The following PLCG2 variants were observed in gnomAD, a reference collection of about 807,000 sequenced individuals.
PLCG2 encodes the protein phospholipase C gamma 2.
In PLCG2, 69 loss-of-function variants were observed where a neutral mutation model predicts 175.6. The observed-to-expected ratio is 0.39, with a 90% CI of 0.32 to 0.48. PLCG2 has a LOEUF of 0.48. Ranked by LOEUF, PLCG2 falls within the 20% of genes least tolerant of loss-of-function variation. The pLI is 0.91. For synonymous variants in PLCG2, 827 were observed against 624.0 expected, an observed-to-expected ratio of 1.33 and a Z score of -4.85; for missense variants, 1,798 against 1,650.9, an observed-to-expected ratio of 1.09 and a Z score of -1.54.
intron 2 of PLCG2, among the ~76,000 whole-genome samples, chr16:81,842,417 G>T (rs914800090): frequency 6.6e-6 from 1 of 152,206 alleles, no homozygotes; most frequent in Admixed American, 6.5e-5. Context: ...GGGCAGGACT[G>T]TGTCTGTCTC....
At chr16:81,861,280 A>G (rs1277686674) in intron 5 of PLCG2, among the ~76,000 whole-genome samples, 2 of 152,196 alleles carry the variant, frequency 1.3e-5, no homozygotes, top group Non-Finnish European at 2.9e-5. Flanking sequence ...TTAATATCCA[A>G]TAACTAAACT....
chr16:81,775,239 C>T (rs970047937), upstream of PLCG2, among the ~76,000 whole-genome samples: 2 of 152,116 alleles, frequency 1.3e-5, no homozygotes, highest in African/African-American at 4.8e-5. Context: ...CCGATAGGCC[C>T]GCTCTCTGCT....
At chr16:81,751,989 T>G (rs1415900529) in intron 1 of PLCG2, among the ~76,000 whole-genome samples, 6 of 151,870 alleles carry the variant, frequency 4.0e-5, no homozygotes, top group Non-Finnish European at 8.8e-5. Flanking sequence ...GCCACTGCAC[T>G]CCAGCCTGGC....
chr16:81,892,739 G>T (rs977796803), intron 11 of PLCG2, among the ~76,000 whole-genome samples: 1 of 152,098 alleles, frequency 6.6e-6, no homozygotes, highest in Non-Finnish European at 1.5e-5. Flanking sequence ...TTGCTGTGCA[G>T]ATTATTTTGT....
chr16:81,846,157 C>T (rs894948459), intron 2 of PLCG2, among the ~76,000 whole-genome samples: 1 of 152,192 alleles, frequency 6.6e-6, no homozygotes, highest in Non-Finnish European at 1.5e-5. Context: ...GCACTGCTCT[C>T]ACTAGAAGAA....
At chr16:81,930,899 G>A (rs1217587401) in intron 24 of PLCG2, among the ~76,000 whole-genome samples, 1 of 152,036 alleles carries the variant, frequency 6.6e-6, no homozygotes. Flanking sequence ...ATGCCAAGTT[G>A]CTTAGCTATA....
At position 81,934,463 on chromosome 16, in the gene PLCG2, C is replaced by G; in HGVS notation, c.2774C>G (p.Ser925Cys). 6.2e-7 allele frequency: 1 copy of G among 1,613,182 alleles called. No homozygotes were observed. The highest frequency in any genetic ancestry group is 1.7e-4 in the Middle Eastern group (1 of 6,060). Residue 925 changes from serine to cysteine, a missense_variant, in exon 26 of 33, where the codon TCC becomes TGC. Transcript: ENST00000564138. ...ATGAAGTACTGGGAGAAGAACCAGT[C>G]CATCGCCATCGAGCTCTCTGACCTG... ...NNMKYWEKNQ[S>C]IAIELSDLVV...
At chr16:81,952,839 A>G (rs887867915) in intron 31 of PLCG2, among the ~76,000 whole-genome samples, 2 of 152,194 alleles carry the variant, frequency 1.3e-5, no homozygotes, top group Admixed American at 1.3e-4. Flanking sequence ...TGGAGGAGAA[A>G]TATATTTCCA....
intron 2 of PLCG2, among the ~76,000 whole-genome samples, chr16:81,846,472 A>T (rs1906123946): frequency 6.6e-6 from 1 of 152,216 alleles, no homozygotes; most frequent in African/African-American, 2.4e-5. Flanking sequence ...AACATGCAAA[A>T]CATTAGCACT....
intron 2 of PLCG2, among the ~76,000 whole-genome samples, chr16:81,813,465 C>T (rs189148713): frequency 6.6e-6 from 1 of 152,184 alleles, no homozygotes; most frequent in African/African-American, 2.4e-5. Flanking sequence ...TGATTTAGCT[C>T]TGTGTTTGTC....
In PLCG2 at chr16:81,883,371, G is replaced by C. The variant is rs1335591173; in HGVS notation, c.765+30G>C. The C allele has an allele frequency of 2.6e-6, 4 of 1,566,142 alleles. No homozygotes were observed. In the South Asian group the frequency reaches 4.4e-5, roughly 17 times the overall value. ...GAGCACAAGGTGTGTGGGTGCCTGA[G>C]GGAGCTGGCGGGATGCTGCTGGGGA... is the stretch of plus-strand genomic sequence containing the variant. On this transcript the variant is annotated intron_variant, in intron 9 of 32. Coordinates refer to ENST00000564138, the MANE Select transcript of PLCG2 (RefSeq NM_002661.5).
chr16:81,938,365 G>A (rs4888191), intron 28 of PLCG2: 38,467 of 191,128 alleles, frequency 0.2, 5,011 homozygotes, highest in African/African-American at 0.39. Context: ...TTCTCCTAAG[G>A]TTAAGGGCGG....
chr16:81,784,898 G>C (rs1028966000), intron 1 of PLCG2, among the ~76,000 whole-genome samples: 1 of 152,080 alleles, frequency 6.6e-6, no homozygotes, highest in Non-Finnish European at 1.5e-5. Context: ...ATGTGTTTCT[G>C]GGGATTTGGG....
chr16:81,932,833 C>G (rs1910559248), intron 25 of PLCG2, among the ~76,000 whole-genome samples: 1 of 152,232 alleles, frequency 6.6e-6, no homozygotes, highest in African/African-American at 2.4e-5. Context: ...TTTCACACCA[C>G]CAGCCATGGG....
rs1000265805 is a variant in PLCG2 at position 81,962,584 on chromosome 16, T to C, written c.*4586T>C. 8 of 221,890 alleles carry C rather than the reference T, an allele frequency of 3.6e-5. 1 individual carries two copies. Among genetic ancestry groups the C allele is most frequent in the East Asian group, 2.6e-4 (4 of 15,118 alleles). The allele number at this position is 221,890 out of a possible 1,614,324, so 13.7% of individuals were successfully genotyped here. A position where few individuals can be genotyped will look rare whatever the true frequency, so the allele number is the denominator to read the frequency against. Reference sequence around the variant, plus strand: ...ATAAATAGTATGTGCTTTGTGTACATAGAGAATTAAGTGAATGAGTCACAC... The same window carrying C: ...ATAAATAGTATGTGCTTTGTGTACACAGAGAATTAAGTGAATGAGTCACAC... On this transcript the variant is annotated 3_prime_UTR_variant, in exon 33 of 33. Transcript: ENST00000564138.
chr16:81,763,959 T>C (rs1253831729), intron 2 of PLCG2, among the ~76,000 whole-genome samples: 3 of 151,546 alleles, frequency 2.0e-5, no homozygotes, highest in Non-Finnish European at 4.4e-5. Flanking sequence ...AGAGAGACTC[T>C]GTCTCAAAAA....
chr16:81,862,199 A>C (rs541815786), intron 5 of PLCG2, among the ~76,000 whole-genome samples: 1 of 152,354 alleles, frequency 6.6e-6, no homozygotes, highest in East Asian at 1.9e-4. Flanking sequence ...ACAGAGGCAG[A>C]GGAAAGACTG....
intron 32 of PLCG2, 105 bp downstream of exon 32, chr16:81,956,984 T>A (rs1176182786): frequency 1.0e-6 from 1 of 980,370 alleles, no homozygotes; most frequent in Non-Finnish European, 1.5e-6. Context: ...GTTGCTTTCT[T>A]CAGAAATCCT....
chr16:81,877,684 C>T (rs375229942), intron 7 of PLCG2, among the ~76,000 whole-genome samples: 4 of 152,140 alleles, frequency 2.6e-5, no homozygotes, highest in African/African-American at 7.2e-5. Context: ...AAGTGTTCCT[C>T]GGTGTGTAGA....
Sources: gnomAD v4.1 joint callset for allele counts (sites outside exome capture counted in the v4.1 genomes callset) on GRCh38, gnomAD v4.1.1 for gene constraint, MANE v1.5 for transcripts, NCBI Gene and HGNC (gene_info 2026-07-23, HGNC 2026-07-21) for gene names.